Variants in CP observed in about 807,000 individuals in gnomAD.
CP encodes ceruloplasmin, also known as caeruloplasmin.
A neutral mutation model predicts 122.4 loss-of-function variants in CP; 64 were observed. The observed-to-expected ratio is 0.52, with a 90% confidence interval of 0.43 to 0.64. CP has a LOEUF of 0.64. Ranked by LOEUF, CP falls within the 30% of genes least tolerant of loss-of-function variation. CP has a pLI of 0.00. For synonymous variants in CP, 440 were observed against 436.4 expected (o/e 1.01, Z -0.10); for missense variants, 1,167 against 1,284.4 (o/e 0.91, Z 1.40).
chr3:149,181,095 C>T (rs1432694839), intron 14 of CP, among the ~76,000 whole-genome samples: 1 of 152,184 alleles, frequency 6.6e-6, no homozygotes, highest in Non-Finnish European at 1.5e-5. Context: ...CTTAGGGTCA[C>T]TTAACCACAC....
intron 4 of CP, among the ~76,000 whole-genome samples, chr3:149,166,260 AATG>A (rs1724402815): frequency 6.6e-6 from 1 of 152,234 alleles, no homozygotes; most frequent in African/African-American, 2.4e-5. Flanking sequence ...TATTGATAAC[AATG>A]ATTAGTTCTA....
rs1191086080 is a variant in CP at position 149,175,901 on chromosome 3, TG to T, written c.3181+348del. 31 of 196,984 alleles carry T rather than the reference TG, an allele frequency of 1.6e-4. 1 individual carries two copies. Among genetic ancestry groups the T allele is most frequent in the Non-Finnish European group, 3.2e-4 (31 of 96,374 alleles). 12.2% of individuals were successfully genotyped at this position (196,984 alleles called of 1,614,324 possible). ...GCCACCTAGAAAAAAAATTGTTTTT[TG>T]TTAAGAAAGAAATTAGATTCTAAAT... is the stretch of plus-strand genomic sequence containing the variant. On this transcript the variant is annotated intron_variant, in intron 18 of 18. Transcript: ENST00000264613.
chr3:149,202,012 T>G, intron 7 of CP, 90 bp downstream of exon 7: 1 of 1,518,192 alleles, frequency 6.6e-7, no homozygotes, highest in Non-Finnish European at 9.1e-7. Context: ...ATAGAAATCA[T>G]GCAGTAGGTC....
At chr3:149,175,848 T>C (rs1266881597) in intron 18 of CP, 1 of 173,492 alleles carries the variant, frequency 5.8e-6, no homozygotes, top group African/African-American at 2.4e-5. Flanking sequence ...TTATTTGGGG[T>C]TGTCTTGGGC....
At chr3:149,167,344 A>C in intron 4 of CP, 1 of 868,344 alleles carries the variant, frequency 1.2e-6, no homozygotes, top group Non-Finnish European at 1.9e-6. Context: ...CTAATCCAAC[A>C]TCATAAGGCT....
At chr3:149,193,605 A>AT (rs941829850) in intron 9 of CP, among the ~76,000 whole-genome samples, 7 of 152,154 alleles carry the variant, frequency 4.6e-5, no homozygotes, top group Non-Finnish European at 1.0e-4. Flanking sequence ...TTAAAATGAT[A>AT]TTTTTTTAAA....
chr3:149,213,556 C>T (rs566861693), intron 1 of CP, among the ~76,000 whole-genome samples: 4 of 152,228 alleles, frequency 2.6e-5, no homozygotes, highest in Middle Eastern at 3.4e-3. Flanking sequence ...GCAGGACCCA[C>T]TTAGATTCTG....
intron 5 of CP, chr3:149,165,889 T>C (rs547038027): frequency 1.2e-5 from 5 of 412,480 alleles, no homozygotes; most frequent in African/African-American, 1.0e-4. Flanking sequence ...CATCTGATTG[T>C]CAGGAAATTA....
At chr3:149,167,003 A>C (rs1444735280) in intron 4 of CP, 1 of 1,552,462 alleles carries the variant, frequency 6.4e-7, no homozygotes, top group African/African-American at 1.4e-5. Context: ...GAGGTGCCTC[A>C]TTTCATAACA....
chr3:149,207,571 A>G lies in CP; in HGVS notation c.828T>C (p.Cys276=), dbSNP rs781181406. 3.1e-6 allele frequency: 5 copies of G among 1,613,904 alleles called. No homozygotes were observed. In the Admixed American group the frequency reaches 5.0e-5, roughly 16 times the overall value. ...GGTACCATTTTACTCTGTCTTCAGCACACATGGAGAGTCCTGGGAGACTTC... is the reference window on the plus strand; with the variant it reads ...GGTACCATTTTACTCTGTCTTCAGCGCACATGGAGAGTCCTGGGAGACTTC... The part of the protein sequence containing the change: ...TFGSLPGLSM[C]AEDRVKWYLF... The change falls in exon 5 of 19, where the codon TGT becomes TGC. Residue 276 remains cysteine (C), a synonymous_variant. Transcript: ENST00000264613.
rs1343726393 is a variant in CP, at chr3:149,202,094, G to A, written c.1348+8C>T. 1 of 1,613,950 alleles carries A rather than the reference G, an allele frequency of 6.2e-7. No individual in the cohort carries two copies. The highest frequency in any genetic ancestry group is 1.7e-5 in the Admixed American group (1 of 60,002). Reference sequence around the variant, plus strand: ...TAAACCAGCCATATATATTCTGCAAGAACTCACCCAGGATGCCAAGATGCT... The same window carrying A: ...TAAACCAGCCATATATATTCTGCAAAAACTCACCCAGGATGCCAAGATGCT... On this transcript the variant is annotated splice_region_variant and intron_variant, in intron 7 of 18. Coordinates refer to ENST00000264613, the MANE Select transcript of CP (RefSeq NM_000096.4).
chr3:149,202,577 GT>G (rs1380171863), intron 6 of CP, among the ~76,000 whole-genome samples: 2 of 142,300 alleles, frequency 1.4e-5, no homozygotes, highest in Admixed American at 6.9e-5. Flanking sequence ...ACAGTGGCTA[GT>G]TTTTTGTTGT....
chr3:149,177,783 A>T, intron 17 of CP, 57 bp downstream of exon 17: 1 of 1,566,032 alleles, frequency 6.4e-7, no homozygotes, highest in Non-Finnish European at 8.8e-7. Flanking sequence ...TATTTTCTTC[A>T]CTTGTATTAA....
chr3:149,215,791 C>T (rs946172629), intron 1 of CP, among the ~76,000 whole-genome samples: 7 of 152,108 alleles, frequency 4.6e-5, no homozygotes, highest in Non-Finnish European at 8.8e-5. Flanking sequence ...TGTAGTTCTT[C>T]CTGTTGACAA....
chr3:149,163,618 T>C (rs1311314025), intron 5 of CP, among the ~76,000 whole-genome samples: 1 of 152,202 alleles, frequency 6.6e-6, no homozygotes, highest in Non-Finnish European at 1.5e-5. Context: ...CTCTTTGGAG[T>C]ATTTACATTT....
chr3:149,172,318 TCACACACACACACA>T (rs113015797), downstream of CP: 89 of 571,946 alleles, frequency 1.6e-4, no homozygotes, highest in Middle Eastern at 4.9e-4. Context: ...ATTTTATATA[TCACACACACACACA>T]CACACACACA....
intron 8 of CP, among the ~76,000 whole-genome samples, chr3:149,199,144 C>T (rs188886829): frequency 1.2e-3 from 185 of 152,150 alleles, no homozygotes; most frequent in African/African-American, 3.8e-3. Context: ...GTCAAAAAAT[C>T]CACATAATGA....
intron 8 of CP, among the ~76,000 whole-genome samples, chr3:149,199,475 C>A (rs1208583336): frequency 6.6e-6 from 1 of 152,038 alleles, no homozygotes; most frequent in Non-Finnish European, 1.5e-5. Context: ...ATTGATACAA[C>A]CCAACTAAAT....
intron 9 of CP, among the ~76,000 whole-genome samples, chr3:149,188,490 C>CAAAAAAAAAAAAAAAAAAAAAAAA (rs60815739): frequency 6.5e-5 from 3 of 46,086 alleles, no homozygotes; most frequent in Non-Finnish European, 1.3e-4. Flanking sequence ...TTGAAGCCTC[C>CAAAAAAAAAAAAAAAAAAAAAAAA]AAAAAAAAAA....
Sources: allele counts gnomAD v4.1 joint callset (sites outside exome capture counted in the v4.1 genomes callset), GRCh38; gene constraint gnomAD v4.1.1; transcripts MANE v1.5; gene names NCBI Gene and HGNC (gene_info 2026-07-23, HGNC 2026-07-21).